Variants in ROBO1 observed in about 807,000 individuals in gnomAD.
ROBO1 encodes the protein roundabout guidance receptor 1, also known as roundabout homolog 1.
A neutral mutation model predicts 195.9 loss-of-function variants in ROBO1; 149 were observed. The ratio of observed to expected loss-of-function variants is 0.76; its 90% CI spans 0.67 to 0.87. The LOEUF is 0.87. Ranked by LOEUF, ROBO1 falls within the 40% of genes least tolerant of loss-of-function variation. The pLI is 0.00. For synonymous variants in ROBO1, 816 were observed against 733.2 expected, an observed-to-expected ratio of 1.11 and a Z score of -1.82; for missense variants, 1,933 against 2,068.3, an observed-to-expected ratio of 0.93 and a Z score of 1.27.
chr3:79,485,161 A>G (rs1235346008), intron 2 of ROBO1, among the ~76,000 whole-genome samples: 1 of 152,146 alleles, frequency 6.6e-6, no homozygotes, highest in African/African-American at 2.4e-5. Flanking sequence ...GCTATATAGT[A>G]GCCATCAATA....
intron 1 of ROBO1, among the ~76,000 whole-genome samples, chr3:79,700,551 C>A (rs929601977): frequency 6.6e-6 from 1 of 151,594 alleles, no homozygotes; most frequent in Non-Finnish European, 1.5e-5. Flanking sequence ...TGTTGTTTGG[C>A]TTTTTAGTAG....
At chr3:79,317,728 A>G (rs1272708019) in intron 2 of ROBO1, among the ~76,000 whole-genome samples, 2 of 151,904 alleles carry the variant, frequency 1.3e-5, no homozygotes, top group African/African-American at 2.4e-5. Context: ...ACATGTCCTC[A>G]TTTTGAAATA....
chr3:78,607,188 C>T, intron 28 of ROBO1, 147 bp from the exon 29 acceptor site: 1 of 749,768 alleles, frequency 1.3e-6, no homozygotes. Context: ...AGGAAAAATA[C>T]CCACAATTTT....
At chr3:78,656,297 A>G (rs1707008106) in intron 18 of ROBO1, among the ~76,000 whole-genome samples, 1 of 151,786 alleles carries the variant, frequency 6.6e-6, no homozygotes, top group South Asian at 2.1e-4. Flanking sequence ...TCGTTGCTAT[A>G]AACTTCTAAT....
chr3:79,209,094 T>G (rs1274576518), intron 2 of ROBO1, among the ~76,000 whole-genome samples: 1 of 152,172 alleles, frequency 6.6e-6, no homozygotes, highest in African/African-American at 2.4e-5. Context: ...TTTCTGAGAT[T>G]TTGGTGCACC....
At chr3:78,846,170 C>T (rs954296124) in intron 4 of ROBO1, among the ~76,000 whole-genome samples, 1 of 152,004 alleles carries the variant, frequency 6.6e-6, no homozygotes, top group Non-Finnish European at 1.5e-5. Flanking sequence ...AACAAAACTG[C>T]AACATGGAGT....
At chr3:79,320,244 G>A (rs770591050) in intron 2 of ROBO1, among the ~76,000 whole-genome samples, 1 of 152,138 alleles carries the variant, frequency 6.6e-6, no homozygotes, top group Non-Finnish European at 1.5e-5. Flanking sequence ...ATGGGCTACA[G>A]AGCTGTGGGG....
At chr3:78,949,160 C>T (rs1184382833) in intron 3 of ROBO1, among the ~76,000 whole-genome samples, 1 of 135,354 alleles carries the variant, frequency 7.4e-6, no homozygotes, top group Non-Finnish European at 1.5e-5. Context: ...GAAAAAACTA[C>T]TTTAAAGTTC....
intron 2 of ROBO1, among the ~76,000 whole-genome samples, chr3:79,528,732 T>A (rs1941535283): frequency 6.6e-6 from 1 of 152,168 alleles, no homozygotes; most frequent in Admixed American, 6.6e-5. Flanking sequence ...CCATGTAATT[T>A]TAAAACCTGT....
At chr3:79,737,881 CTTT>C (rs1225322052) in intron 1 of ROBO1, among the ~76,000 whole-genome samples, 1 of 152,176 alleles carries the variant, frequency 6.6e-6, no homozygotes, top group Admixed American at 6.5e-5. Flanking sequence ...CATCTTTCTT[CTTT>C]ATTTACCTTG....
intron 2 of ROBO1, among the ~76,000 whole-genome samples, chr3:79,381,455 G>T (rs2036574950): frequency 1.3e-5 from 2 of 149,472 alleles, no homozygotes; most frequent in South Asian, 4.2e-4. Flanking sequence ...TGCAAAAATA[G>T]CTGACTAATA....
chr3:78,681,336 TA>T (rs919252413), intron 10 of ROBO1, among the ~76,000 whole-genome samples: 40 of 149,304 alleles, frequency 2.7e-4, no homozygotes, highest in African/African-American at 8.8e-4. Context: ...AGTATAATAA[TA>T]AAAAAAAAAT....
chr3:78,775,179 C>T (rs373286000), intron 4 of ROBO1, among the ~76,000 whole-genome samples: 2 of 152,184 alleles, frequency 1.3e-5, no homozygotes, highest in African/African-American at 4.8e-5. Context: ...GAAATGCTAT[C>T]TTCTGGCCAG....
intron 2 of ROBO1, chr3:79,533,058 C>T (rs573786336): frequency 7.0e-5 from 30 of 430,816 alleles, no homozygotes; most frequent in African/African-American, 2.5e-4. Flanking sequence ...AGGGTGGAGA[C>T]GAATTTTATT....
chr3:79,202,165 C>A (rs1246575651), intron 2 of ROBO1, among the ~76,000 whole-genome samples: 1 of 151,952 alleles, frequency 6.6e-6, no homozygotes, highest in Non-Finnish European at 1.5e-5. Context: ...TTGCCTGAAT[C>A]CTCCAATACC....
intron 4 of ROBO1, among the ~76,000 whole-genome samples, chr3:78,761,947 G>C (rs1228371838): frequency 6.6e-6 from 1 of 152,022 alleles, no homozygotes; most frequent in East Asian, 1.9e-4. Flanking sequence ...AATTAAATAT[G>C]ATAGTAAGTT....
At chr3:79,247,799 A>G (rs925954524) in intron 2 of ROBO1, among the ~76,000 whole-genome samples, 5 of 152,142 alleles carry the variant, frequency 3.3e-5, no homozygotes, top group African/African-American at 9.7e-5. Flanking sequence ...AATAATTTGT[A>G]CAACAAACAC....
chr3:79,409,117 A>C (rs2106840480), intron 2 of ROBO1, among the ~76,000 whole-genome samples: 1 of 152,236 alleles, frequency 6.6e-6, no homozygotes, highest in Admixed American at 6.5e-5. Flanking sequence ...GGTAAGCCCT[A>C]ATTATGGAAA....
At chr3:79,071,732 A>ACGCG (rs1553675950) in intron 3 of ROBO1, among the ~76,000 whole-genome samples, 3 of 148,096 alleles carry the variant, frequency 2.0e-5, no homozygotes, top group Admixed American at 6.7e-5. Flanking sequence ...ATGCACACAC[A>ACGCG]CACACACGCA....
Sources: gnomAD v4.1 joint callset for allele counts (sites outside exome capture counted in the v4.1 genomes callset) on GRCh38, gnomAD v4.1.1 for gene constraint, MANE v1.5 for transcripts, NCBI Gene and HGNC (gene_info 2026-07-23, HGNC 2026-07-21) for gene names.